The following ERC1 variants were observed in gnomAD, a reference collection of about 807,000 sequenced individuals.
ERC1 encodes the protein RAB6 interacting protein 2.
Under a neutral mutation model 132.0 loss-of-function variants are expected in ERC1, and 56 were observed. That is an observed-to-expected ratio of 0.42 (90% CI 0.34 to 0.53). The LOEUF is 0.53. Ranked by LOEUF, ERC1 falls within the 20% of genes least tolerant of loss-of-function variation. The pLI is 0.03. For synonymous variants in ERC1, 478 were observed against 476.1 expected, an observed-to-expected ratio of 1.00 and a Z score of -0.05; for missense variants, 1,202 against 1,349.9, an observed-to-expected ratio of 0.89 and a Z score of 1.72.
intron 8 of ERC1, among the ~76,000 whole-genome samples, chr12:1,143,960 T>G (rs778028605): frequency 2.6e-5 from 4 of 152,150 alleles, no homozygotes; most frequent in Non-Finnish European, 4.4e-5. Context: ...CTTAAAGGTT[T>G]GGATTTTTTT....
intron 3 of ERC1, among the ~76,000 whole-genome samples, chr12:1,102,788 A>G (rs1411792082): frequency 1.3e-5 from 2 of 152,198 alleles, no homozygotes; most frequent in East Asian, 3.8e-4. Flanking sequence ...AGGAAAAAGT[A>G]GAGCGAAGTA....
chr12:1,269,794 C>G (rs1481695159), intron 14 of ERC1, among the ~76,000 whole-genome samples: 1 of 152,200 alleles, frequency 6.6e-6, no homozygotes, highest in African/African-American at 2.4e-5. Context: ...TCAAAAGGCA[C>G]CTAAGGTGTG....
In ERC1 at chr12:1,440,601, TGTGTGTGTGTGTGTG is replaced by T. The variant is rs1207821251; in HGVS notation, c.3025-3960_3025-3946del. Among the ~76,000 whole-genome samples the T allele has an allele frequency of 7.3e-4, 9 of 12,388 alleles. 2 individuals carry two copies. The highest frequency in any genetic ancestry group is 1.7e-3 in the African/African-American group (9 of 5,170). 8.1% of individuals were successfully genotyped at this position (12,388 alleles called of 152,430 possible). On this transcript the variant is annotated intron_variant, in intron 17 of 18. Transcript: ENST00000360905. The stretch of plus-strand genomic sequence containing the variant: ...AAGCAATCCCCCTGCCTCAGCCTTT[TGTGTGTGTGTGTGTG>T]TGTGTGTGTGTGTGTGTGTGTGTGT...
intron 12 of ERC1, among the ~76,000 whole-genome samples, chr12:1,199,797 A>G (rs577762626): frequency 6.6e-6 from 1 of 152,190 alleles, no homozygotes; most frequent in African/African-American, 2.4e-5. Context: ...AAAAAAAAAA[A>G]AAGTTATGTG....
Position 1,416,948 on chromosome 12 carries a change from C to G in ERC1, c.3024+8701C>G, listed in dbSNP as rs141461718. Among the ~76,000 whole-genome samples, 71 of 152,126 alleles carry G rather than the reference C, an allele frequency of 4.7e-4. 1 individual carries two copies. Among genetic ancestry groups the G allele is most frequent in the African/African-American group, 1.7e-3 (69 of 41,442 alleles). On this transcript the variant is annotated intron_variant, in intron 17 of 18. Coordinates refer to ENST00000360905, the MANE Select transcript of ERC1 (RefSeq NM_178040.4). Reference sequence around the variant, plus strand: ...AATACCCTTCCTGCTTTTATCGTTCCCCTCCCTTCTTCACTTTCTCTGTCT... The same window carrying G: ...AATACCCTTCCTGCTTTTATCGTTCGCCTCCCTTCTTCACTTTCTCTGTCT...
chr12:1,149,973 C>T (rs894389612), intron 8 of ERC1, among the ~76,000 whole-genome samples: 4 of 152,210 alleles, frequency 2.6e-5, no homozygotes, highest in African/African-American at 9.6e-5. Flanking sequence ...GTCCCTTGGC[C>T]ATCACCAAGA....
chr12:1,061,719 A>T (rs557648016), intron 2 of ERC1, among the ~76,000 whole-genome samples: 8 of 146,334 alleles, frequency 5.5e-5, no homozygotes, highest in Admixed American at 5.4e-4. Flanking sequence ...CTCCCCCCCC[A>T]TATCTCCATA....
intron 7 of ERC1, among the ~76,000 whole-genome samples, chr12:1,136,015 GAAATAACACACCAA>G (rs554715804): frequency 8.7e-4 from 132 of 152,188 alleles, no homozygotes; most frequent in Non-Finnish European, 1.6e-3. Flanking sequence ...TGTCATGTCA[GAAATAACACACCAA>G]AAATAAGGTT....
chr12:1,054,535 AT>A (rs1465192819), intron 2 of ERC1, among the ~76,000 whole-genome samples: 1 of 151,640 alleles, frequency 6.6e-6, no homozygotes, highest in African/African-American at 2.4e-5. Flanking sequence ...AGAGTTCAGC[AT>A]TTAGGCAAAA....
intron 2 of ERC1, among the ~76,000 whole-genome samples, chr12:1,078,138 A>G (rs935436679): frequency 2.0e-5 from 3 of 152,166 alleles, no homozygotes; most frequent in Non-Finnish European, 2.9e-5. Context: ...GCCAACATAT[A>G]TTTCTCCTGA....
chr12:1,052,879 A>G (rs1972270124), intron 2 of ERC1, among the ~76,000 whole-genome samples: 1 of 152,048 alleles, frequency 6.6e-6, no homozygotes, highest in South Asian at 2.1e-4. Flanking sequence ...CTGAGGCAGG[A>G]GAATTTCTTG....
chr12:1,328,998 A>T (rs2082671365), intron 15 of ERC1, among the ~76,000 whole-genome samples: 1 of 146,454 alleles, frequency 6.8e-6, no homozygotes. Flanking sequence ...AAAAAAAAAA[A>T]AAAAAGCCTT....
intron 12 of ERC1, among the ~76,000 whole-genome samples, chr12:1,225,198 C>T (rs945664186): frequency 6.6e-6 from 1 of 151,928 alleles, no homozygotes; most frequent in African/African-American, 2.4e-5. Context: ...AATGCTCACA[C>T]CTGTAATCTC....
chr12:1,157,296 G>T (rs994471997), intron 8 of ERC1, among the ~76,000 whole-genome samples: 3 of 152,180 alleles, frequency 2.0e-5, no homozygotes, highest in Non-Finnish European at 4.4e-5. Flanking sequence ...GTAGAGACAG[G>T]GTTTTGCCAT....
rs562711310 is a variant in ERC1, at chr12:1,134,869, C to CA, written c.1570-6750dup. Among the ~76,000 whole-genome samples the CA allele has an allele frequency of 2.0e-4, 31 of 152,110 alleles. 1 individual carries two copies. In the South Asian group the frequency reaches 5.2e-3, roughly 25 times the overall value. On this transcript the variant is annotated intron_variant, in intron 7 of 18. Transcript: ENST00000360905. Reference sequence around the variant, plus strand: ...TCAGCCTCCTGAGTAGCTGGGATTACAGGCATGCGCTACCATGCCTGACTA... The same window carrying CA: ...TCAGCCTCCTGAGTAGCTGGGATTACAAGGCATGCGCTACCATGCCTGACTA...
At chr12:1,356,213 A>AAGT (rs1491368587) in intron 15 of ERC1, among the ~76,000 whole-genome samples, 3 of 130,010 alleles carry the variant, frequency 2.3e-5, no homozygotes, top group Non-Finnish European at 4.6e-5. Flanking sequence ...AAAAAAAAAA[A>AAGT]GTGTGTGTGT....
chr12:1,075,230 A>G (rs886086504), intron 2 of ERC1, among the ~76,000 whole-genome samples: 9 of 152,294 alleles, frequency 5.9e-5, no homozygotes, highest in African/African-American at 1.9e-4. Context: ...AAGTGGGGTT[A>G]TATCTGTGTA....
intron 14 of ERC1, among the ~76,000 whole-genome samples, chr12:1,269,441 G>A (rs2077677238): frequency 6.6e-6 from 1 of 152,144 alleles, no homozygotes; most frequent in African/African-American, 2.4e-5. Context: ...ACGTGTCTAA[G>A]GAAGACTAAT....
At chr12:1,308,731 A>T (rs924402859) in intron 15 of ERC1, among the ~76,000 whole-genome samples, 2 of 152,180 alleles carry the variant, frequency 1.3e-5, no homozygotes, top group Non-Finnish European at 2.9e-5. Flanking sequence ...AGTTTTTTAA[A>T]CCTTGGAATC....
Sources: allele counts gnomAD v4.1 joint callset (sites outside exome capture counted in the v4.1 genomes callset), GRCh38; gene constraint gnomAD v4.1.1; transcripts MANE v1.5; gene names NCBI Gene and HGNC (gene_info 2026-07-23, HGNC 2026-07-21).